ANK2: variants seen among roughly 807,000 people sequenced by gnomAD.
ANK2 encodes ankyrin-2.
ANK2 carries 83 observed loss-of-function variants against 360.5 expected under a neutral mutation model. That is an observed-to-expected ratio of 0.23 (90% CI 0.19 to 0.28). The LOEUF is 0.28. Ranked by LOEUF, ANK2 falls within the 10% of genes least tolerant of loss-of-function variation. The pLI is 1.00. For synonymous variants in ANK2, 1,740 were observed against 1,759.5 expected, an observed-to-expected ratio of 0.99 and a Z score of 0.28; for missense variants, 4,201 against 4,795.7, an observed-to-expected ratio of 0.88 and a Z score of 3.66.
the ANK2 span, among the ~76,000 whole-genome samples, chr4:112,746,489 CCGAGTG>C: frequency 2.1e-5 from 3 of 144,514 alleles, no homozygotes; most frequent in Admixed American, 7.2e-5. Flanking sequence ...GCTTGGGCAA[CCGAGTG>C]AGATGCTGTC....
intron 1 of ANK2, among the ~76,000 whole-genome samples, chr4:113,105,845 T>C (rs2093560758): frequency 6.6e-6 from 1 of 152,324 alleles, no homozygotes; most frequent in South Asian, 2.1e-4. Flanking sequence ...TAGTGTACAG[T>C]GTGAGACTGC....
In ANK2 at chr4:112,856,422, A is replaced by G. The variant is rs113222634; in HGVS notation, c.-40+38158A>G. Among the ~76,000 whole-genome samples, 317 of 152,354 alleles carry G rather than the reference A, an allele frequency of 2.1e-3. 3 individuals are homozygous for G. Among genetic ancestry groups the G allele is most frequent in the Non-Finnish European group, 3.7e-3 (253 of 68,028 alleles). Reference sequence around the variant, plus strand: ...TCTGTGCCCTGAATGCTTCTTAAAAATAATTTTTTAAAAGTGTATTATTGG... The same window carrying G: ...TCTGTGCCCTGAATGCTTCTTAAAAGTAATTTTTTAAAAGTGTATTATTGG... On this transcript the variant is annotated intron_variant, in intron 1 of 30. Transcript: ENST00000503271.
At chr4:113,131,202 A>G (rs1168333766) in intron 1 of ANK2, among the ~76,000 whole-genome samples, 2 of 152,178 alleles carry the variant, frequency 1.3e-5, no homozygotes, top group Non-Finnish European at 2.9e-5. Context: ...GAAGTCTACT[A>G]CTTCAGGCTG....
At chr4:113,074,790 G>A (rs938045015) in intron 1 of ANK2, among the ~76,000 whole-genome samples, 3 of 152,144 alleles carry the variant, frequency 2.0e-5, no homozygotes, top group Non-Finnish European at 2.9e-5. Context: ...AGTATTGATT[G>A]CTATTATAAA....
chr4:112,810,919 TTTC>T, the ANK2 span, among the ~76,000 whole-genome samples: 1 of 141,494 alleles, frequency 7.1e-6, no homozygotes, highest in Non-Finnish European at 1.5e-5. Context: ...CAATTTTCTT[TTTC>T]TTTCTTTCTT....
chr4:113,367,968 C>T (rs2096594826), intron 42 of ANK2, 117 bp downstream of exon 42: 1 of 1,243,748 alleles, frequency 8.0e-7, no homozygotes, highest in Non-Finnish European at 1.1e-6. Context: ...CCCTACCAAA[C>T]ACAAGTGCCA....
intron 4 of ANK2, chr4:113,214,130 A>C: frequency 1.3e-6 from 1 of 749,954 alleles, no homozygotes; most frequent in Non-Finnish European, 2.3e-6. Flanking sequence ...GGGCTTCACG[A>C]GATCGATTCC....
At chr4:112,877,902 T>C (rs931268073) in intron 1 of ANK2, among the ~76,000 whole-genome samples, 21 of 152,238 alleles carry the variant, frequency 1.4e-4, no homozygotes, top group African/African-American at 5.1e-4. Context: ...TGCATTAACC[T>C]AATCTTCCCA....
chr4:113,200,414 T>C (rs1388337241), intron 4 of ANK2, among the ~76,000 whole-genome samples: 1 of 152,246 alleles, frequency 6.6e-6, no homozygotes, highest in Non-Finnish European at 1.5e-5. Context: ...TACATGGGTA[T>C]ATTATGTAAT....
chr4:112,972,554 G>A (rs992656429), intron 2 of ANK2, among the ~76,000 whole-genome samples: 9 of 152,094 alleles, frequency 5.9e-5, no homozygotes, highest in Admixed American at 2.0e-4. Context: ...GTTAAGCTGC[G>A]GGAGGGCCTG....
chr4:113,375,941 C>A (rs1225988701), intron 45 of ANK2, among the ~76,000 whole-genome samples: 1 of 152,088 alleles, frequency 6.6e-6, no homozygotes, highest in Non-Finnish European at 1.5e-5. Flanking sequence ...GGTTTGATTA[C>A]AGGATGCCAT....
intron 1 of ANK2, among the ~76,000 whole-genome samples, chr4:112,835,361 T>C (rs2060772838): frequency 6.6e-6 from 1 of 152,236 alleles, no homozygotes; most frequent in African/African-American, 2.4e-5. Flanking sequence ...ATTGGTCATC[T>C]ATTATTTAAA....
At chr4:112,947,285 A>T (rs549241679) in intron 2 of ANK2, among the ~76,000 whole-genome samples, 2 of 152,262 alleles carry the variant, frequency 1.3e-5, no homozygotes, top group Admixed American at 1.3e-4. Flanking sequence ...TTTAATGGAA[A>T]TCTTTGCTTT....
At chr4:112,827,622 A>G (rs2058682591) in intron 1 of ANK2, 1 of 835,608 alleles carries the variant, frequency 1.2e-6, no homozygotes, top group African/African-American at 1.7e-5. Context: ...TCTACTCTCC[A>G]TCCAGATCCT....
At position 113,357,102 on chromosome 4, in the gene ANK2, T is replaced by C. The variant is rs371140760; in HGVS notation, c.8484T>C (p.Asp2828=). 223 of 1,614,094 alleles carry C rather than the reference T, an allele frequency of 1.4e-4. 5 individuals are homozygous for C. The South Asian group carries it at 1.5e-3, about 11-fold the overall frequency. ...HEKDTEGEEL[D]VSRAESPQAD... ...AAGACACAGAGGGAGAAGAGCTTGA[T>C]GTTTCTAGAGCAGAATCTCCACAAG... Residue 2828 remains aspartate (D), a synonymous_variant, in exon 38 of 46, where the codon GAT becomes GAC. Coordinates refer to ENST00000357077, the MANE Select transcript of ANK2 (RefSeq NM_001148.6).
Position 112,867,759 on chromosome 4 carries a change from A to T in ANK2, c.-39-36696A>T, listed in dbSNP as rs1328410005. Among the ~76,000 whole-genome samples the T allele has an allele frequency of 3.9e-5, 6 of 152,048 alleles. No individual in the cohort carries two copies. In the South Asian group the frequency reaches 8.3e-4, roughly 21 times the overall value. On this transcript the variant is annotated intron_variant, in intron 1 of 30. Coordinates refer to the ANK2 transcript ENST00000503271. ...TTTCATTTCTTTTTGTGGCTGAATA[A>T]TATTCCACTGAATATAGCACATTTT...
At chr4:113,372,682 G>A in intron 43 of ANK2, 14 of 1,236,030 alleles carry the variant, frequency 1.1e-5, no homozygotes, top group Non-Finnish European at 1.6e-5. Context: ...TATTCTAAGA[G>A]TGATCAACCT....
At chr4:112,759,127 A>G in the ANK2 span, among the ~76,000 whole-genome samples, 1 of 151,644 alleles carries the variant, frequency 6.6e-6, no homozygotes. Flanking sequence ...CTATCAGAGC[A>G]GTCTTTACAA....
chr4:113,141,792 C>T (rs10020548), intron 1 of ANK2, among the ~76,000 whole-genome samples: 24,408 of 152,134 alleles, frequency 0.16, 3,035 homozygotes, highest in East Asian at 0.51. Context: ...GATTTGCTGT[C>T]ATAGGGACTT....
Sources: gnomAD v4.1 joint callset for allele counts (sites outside exome capture counted in the v4.1 genomes callset) on GRCh38, gnomAD v4.1.1 for gene constraint, MANE v1.5 for transcripts, NCBI Gene and HGNC (gene_info 2026-07-23, HGNC 2026-07-21) for gene names.